Variants in DYRK2 observed in about 807,000 individuals in gnomAD.
DYRK2 encodes the protein dual specificity tyrosine-phosphorylation-regulated kinase 2.
A neutral mutation model predicts 41.6 loss-of-function variants in DYRK2; 12 were observed. The observed-to-expected ratio is 0.29, with a 90% CI of 0.18 to 0.47. The LOEUF (loss-of-function observed/expected upper bound fraction) is 0.47. Among genes scored for constraint, DYRK2 ranks in the 20% least tolerant of loss-of-function variants. The pLI is 1.00. For missense variants in DYRK2, 678 were observed against 798.4 expected, an observed-to-expected ratio of 0.85 and a Z score of 1.82; for synonymous variants, 322 against 315.7, an observed-to-expected ratio of 1.02 and a Z score of -0.21.
At position 67,663,320 on chromosome 12, in the gene DYRK2, A is replaced by G. The variant is rs1440325034; in HGVS notation, c.*4607A>G. 1 of 152,120 alleles carries G rather than the reference A, an allele frequency of 6.6e-6. No individual in the cohort carries two copies. Among genetic ancestry groups the G allele is most frequent in the African/African-American group, 2.4e-5 (1 of 41,444 alleles). The allele number at this position is 152,120 out of a possible 1,614,324, so 9.4% of individuals were successfully genotyped here. On this transcript the variant is annotated 3_prime_UTR_variant, in exon 3 of 3. Transcript: ENST00000344096. ...TTTACTTACAGATGACAGCAAGCAG[A>G]TGCTCTAGTAATTCGTCAGACATTG... is the stretch of plus-strand genomic sequence containing the variant.
rs898315063 is a variant in DYRK2 at position 67,660,633 on chromosome 12, TAGTA to T, written c.*1924_*1927del. On this transcript the variant is annotated 3_prime_UTR_variant, in exon 3 of 3. Coordinates refer to ENST00000344096, the MANE Select transcript of DYRK2 (RefSeq NM_006482.3). ...AATCTGTGGAAGTGCAATAATATGT[TAGTA>T]AGTTACATTTTAAATAATGCTCATG... is the stretch of plus-strand genomic sequence containing the variant. 2 of 166,912 alleles carry T rather than the reference TAGTA, an allele frequency of 1.2e-5. No homozygotes were observed. 10.3% of individuals were successfully genotyped at this position (166,912 alleles called of 1,614,324 possible).
At position 67,649,961 on chromosome 12, in the gene DYRK2, C is replaced by T. The variant is rs1183207951; in HGVS notation, c.198+16C>T. 7.5e-7 allele frequency: 1 copy of T among 1,327,440 alleles called. No individual in the cohort carries two copies. Among genetic ancestry groups the T allele is most frequent in the Non-Finnish European group, 9.6e-7 (1 of 1,042,890 alleles). 82.2% of individuals were successfully genotyped at this position (1,327,440 alleles called of 1,614,324 possible). ...AGCCCACACGGTGAGACCCAGCCCG[C>T]GGGCGGCCCGGGCGGTGGGGGCGGG... On this transcript the variant is annotated intron_variant, in intron 2 of 2. Coordinates refer to ENST00000344096, the MANE Select transcript of DYRK2 (RefSeq NM_006482.3).
chr12:67,658,797 TTTTA>T lies in DYRK2; in HGVS notation c.*88_*91del. On this transcript the variant is annotated 3_prime_UTR_variant, in exon 3 of 3. Transcript: ENST00000344096. This position sits in a 1 kb window ranked among gnomAD's most constrained non-coding sequence, Gnocchi z 4.3. ...TTGAAAAGGAGTAGCTCAGACCTGT[TTTTA>T]TTTGCTCAATAACTCTACTCATTTG... 1 of 1,392,456 alleles carries T rather than the reference TTTTA, an allele frequency of 7.2e-7. No individual in the cohort carries two copies. The highest frequency in any genetic ancestry group is 9.7e-7 in the Non-Finnish European group (1 of 1,035,186). 86.3% of individuals were successfully genotyped at this position (1,392,456 alleles called of 1,614,324 possible).
Position 67,659,186 on chromosome 12 carries a change from G to C in DYRK2, c.*473G>C, listed in dbSNP as rs1209859020. ...TTTTTCATAAATTAATCTGGGTGTTGGGGGTAGTGGGAGGAGAACGGTCAG... is the reference window on the plus strand; with the variant it reads ...TTTTTCATAAATTAATCTGGGTGTTCGGGGTAGTGGGAGGAGAACGGTCAG... On this transcript the variant is annotated 3_prime_UTR_variant, in exon 3 of 3. Coordinates refer to ENST00000344096, the MANE Select transcript of DYRK2 (RefSeq NM_006482.3). 1 of 167,406 alleles carries C rather than the reference G, an allele frequency of 6.0e-6. No homozygotes were observed. Among genetic ancestry groups the C allele is most frequent in the Non-Finnish European group, 1.5e-5 (1 of 68,402 alleles). The allele number at this position is 167,406 out of a possible 1,614,324, so 10.4% of individuals were successfully genotyped here.
rs1168078625 is a variant in DYRK2 at position 67,649,195 on chromosome 12, TGCCGCCGC to T, written c.49+19_49+26del. The T allele has an allele frequency of 2.1e-5, 32 of 1,493,000 alleles. No homozygotes were observed. Among genetic ancestry groups the T allele is most frequent in the Non-Finnish European group, 2.5e-5 (28 of 1,115,304 alleles). 92.5% of individuals were successfully genotyped at this position (1,493,000 alleles called of 1,614,324 possible). A position where few individuals can be genotyped will look rare whatever the true frequency, so the allele number is the denominator to read the frequency against. ...GCCTACCCGACCGGTAAGGAGGCCGTGCCGCCGCGCCGCATCCCCGGACCCCCGCCGGC... is the reference window on the plus strand; with the variant it reads ...GCCTACCCGACCGGTAAGGAGGCCGTGCCGCATCCCCGGACCCCCGCCGGC... On this transcript the variant is annotated intron_variant, in intron 1 of 2. Transcript: ENST00000344096.
intron 2 of DYRK2, among the ~76,000 whole-genome samples, chr12:67,653,328 C>T (rs1872376658): frequency 6.6e-6 from 1 of 152,174 alleles, no homozygotes; most frequent in East Asian, 1.9e-4. Flanking sequence ...TGCTCTCTGC[C>T]CCATTTTTTA....
Position 67,661,202 on chromosome 12 carries a change from T to A in DYRK2, c.*2489T>A, listed in dbSNP as rs1020214521. ...TGCTTTAATAAAATTCTAGTTTGAT[T>A]GTCATGTCAAAAAAAGAAAAATGTT... On this transcript the variant is annotated 3_prime_UTR_variant, in exon 3 of 3. Transcript: ENST00000344096. 6.0e-6 allele frequency: 1 copy of A among 166,784 alleles called. No individual in the cohort carries two copies. The highest frequency in any genetic ancestry group is 2.4e-5 in the African/African-American group (1 of 41,424). The allele number at this position is 166,784 out of a possible 1,614,324, so 10.3% of individuals were successfully genotyped here.
intron 2 of DYRK2, among the ~76,000 whole-genome samples, chr12:67,656,843 A>G (rs2120832010): frequency 6.6e-6 from 1 of 152,240 alleles, no homozygotes; most frequent in South Asian, 2.1e-4. Context: ...CAGGCCCTAT[A>G]CTAAGTGTTA....
rs1049551167 is a variant in DYRK2, at chr12:67,662,840, A to G, written c.*4127A>G. 6.6e-5 allele frequency: 10 copies of G among 152,378 alleles called. No homozygotes were observed. The highest frequency in any genetic ancestry group is 2.1e-4 in the South Asian group (1 of 4,828). 9.4% of individuals were successfully genotyped at this position (152,378 alleles called of 1,614,324 possible). On this transcript the variant is annotated 3_prime_UTR_variant, in exon 3 of 3. Coordinates refer to ENST00000344096, the MANE Select transcript of DYRK2 (RefSeq NM_006482.3). ...CATAGCAATACTTTATTAGTTCAAT[A>G]TAAGTATGCAGATTCCAAGTGGAAA...
At position 67,659,146 on chromosome 12, in the gene DYRK2, C is replaced by G. The variant is rs1411298651; in HGVS notation, c.*433C>G. 5.9e-6 allele frequency: 1 copy of G among 168,100 alleles called. No homozygotes were observed. The highest frequency in any genetic ancestry group is 6.5e-5 in the Admixed American group (1 of 15,318). The allele number at this position is 168,100 out of a possible 1,614,324, so 10.4% of individuals were successfully genotyped here. On this transcript the variant is annotated 3_prime_UTR_variant, in exon 3 of 3. Coordinates refer to ENST00000344096, the MANE Select transcript of DYRK2 (RefSeq NM_006482.3). ...GCTCCAGGTCCATGCACAGGTGTAG[C>G]ATGTCCTGCTTCCGTTTTTCATAAA...
At position 67,659,579 on chromosome 12, in the gene DYRK2, C is replaced by T. The variant is rs1872571638; in HGVS notation, c.*866C>T. 6.0e-6 allele frequency: 1 copy of T among 166,828 alleles called. No homozygotes were observed. Among genetic ancestry groups the T allele is most frequent in the Admixed American group, 6.5e-5 (1 of 15,278 alleles). The allele number at this position is 166,828 out of a possible 1,614,324, so 10.3% of individuals were successfully genotyped here. A position where few individuals can be genotyped will look rare whatever the true frequency, so the allele number is the denominator to read the frequency against. The stretch of plus-strand genomic sequence containing the variant: ...TTGTCTTCTTCCTTCAGCTGTGTAT[C>T]CCAGACTGTTAATACAGAAAAGAGA... On this transcript the variant is annotated 3_prime_UTR_variant, in exon 3 of 3. Coordinates refer to ENST00000344096, the MANE Select transcript of DYRK2 (RefSeq NM_006482.3).
rs1189913863 is a variant in DYRK2, at chr12:67,659,757, C to T, written c.*1044C>T. The stretch of plus-strand genomic sequence containing the variant: ...TTCAGGTGCCACTGTAAGGTTCTCT[C>T]AGCCTGGGAAACTATCAACTCTTTC... On this transcript the variant is annotated 3_prime_UTR_variant, in exon 3 of 3. Transcript: ENST00000344096. 1 of 167,048 alleles carries T rather than the reference C, an allele frequency of 6.0e-6. No homozygotes were observed. The highest frequency in any genetic ancestry group is 2.4e-5 in the African/African-American group (1 of 41,448). The allele number at this position is 167,048 out of a possible 1,614,324, so 10.3% of individuals were successfully genotyped here.
chr12:67,649,514 T>TGGCCGTCTGCAACGTG (rs1872242611), intron 1 of DYRK2, among the ~76,000 whole-genome samples: 1 of 151,766 alleles, frequency 6.6e-6, no homozygotes, highest in Admixed American at 6.6e-5. Context: ...TCCCGGCTGC[T>TGGCCGTCTGCAACGTG]GGCCGTCTGC....
Position 67,658,385 on chromosome 12 carries a change from G to A in DYRK2, c.1478G>A (p.Ser493Asn), listed in dbSNP as rs1406629248. Residue 493 changes from serine to asparagine, a missense_variant, in exon 3 of 3, where the codon AGC becomes AAC. Ser to Asn is a conservative substitution (Grantham distance 46, BLOSUM62 1). Coordinates refer to ENST00000344096, the MANE Select transcript of DYRK2 (RefSeq NM_006482.3). This position sits in a 1 kb window ranked among gnomAD's most constrained non-coding sequence, Gnocchi z 4.3. ...GGGAAACTGAGGGGCCCACCGGAGAGCAGAGAGTGGGGGAACGCGCTGAAG... is the reference window on the plus strand; with the variant it reads ...GGGAAACTGAGGGGCCCACCGGAGAACAGAGAGTGGGGGAACGCGCTGAAG... The part of the protein sequence containing the change: ...RRGKLRGPPE[S>N]REWGNALKGC... The A allele has an allele frequency of 6.2e-7, 1 of 1,606,500 alleles. No homozygotes were observed. Among genetic ancestry groups the A allele is most frequent in the South Asian group, 1.1e-5 (1 of 90,188 alleles).
intron 2 of DYRK2, 38 bp downstream of exon 2, chr12:67,649,983 CG>C: frequency 1.5e-6 from 2 of 1,312,606 alleles, no homozygotes; most frequent in South Asian, 2.2e-5. Context: ...GCGGTGGGGG[CG>C]GGAGGGGCCC....
chr12:67,661,349 G>C lies in DYRK2; in HGVS notation c.*2636G>C, dbSNP rs1480547483. On this transcript the variant is annotated 3_prime_UTR_variant, in exon 3 of 3. Transcript: ENST00000344096. Reference sequence around the variant, plus strand: ...TTTGGGGATGTCTGAGCTGTTTTCAGATCTAGGAATAGCACAGTGTTGTCT... The same window carrying C: ...TTTGGGGATGTCTGAGCTGTTTTCACATCTAGGAATAGCACAGTGTTGTCT... The C allele has an allele frequency of 6.0e-6, 1 of 167,094 alleles. No homozygotes were observed. Among genetic ancestry groups the C allele is most frequent in the African/African-American group, 2.4e-5 (1 of 41,454 alleles). The allele number at this position is 167,094 out of a possible 1,614,324, so 10.4% of individuals were successfully genotyped here.
chr12:67,658,024 T>A lies in DYRK2; in HGVS notation c.1117T>A (p.Cys373Ser). ...TAAAGTAATTGATTTTGGCTCCAGT[T>A]GTTACGAGCATCAGCGTGTCTACAC... Reference protein sequence around the residue: ...GIKVIDFGSSCYEHQRVYTYI... With the variant: ...GIKVIDFGSSSYEHQRVYTYI... Residue 373 changes from cysteine to serine, a missense_variant, in exon 3 of 3, where the codon TGT becomes AGT. Physicochemically the swap from Cys to Ser is moderately radical, Grantham distance 112. This residue lies in a region of DYRK2 where 393 missense variants were observed against 519.1 expected (regional missense o/e 0.76). Transcript: ENST00000344096. This position sits in a 1 kb window ranked among gnomAD's most constrained non-coding sequence, Gnocchi z 4.3. 6.2e-7 allele frequency: 1 copy of A among 1,614,216 alleles called. No individual in the cohort carries two copies. The highest frequency in any genetic ancestry group is 8.5e-7 in the Non-Finnish European group (1 of 1,180,034).
At chr12:67,656,299 A>G (rs999377505) in intron 2 of DYRK2, among the ~76,000 whole-genome samples, 1 of 152,160 alleles carries the variant, frequency 6.6e-6, no homozygotes, top group Non-Finnish European at 1.5e-5. Flanking sequence ...TTGGATTCCT[A>G]TTTGGAAATC....
In DYRK2 at chr12:67,657,744, T is replaced by C. The variant is rs1565804593; in HGVS notation, c.837T>C (p.Asp279=). The part of the protein sequence containing the change: ...ILEHLRKQDK[D]NTMNVIHMLE... ...AACACCTGCGGAAGCAGGACAAGGATAACACAATGAATGTCATCCATATGC... is the reference window on the plus strand; with the variant it reads ...AACACCTGCGGAAGCAGGACAAGGACAACACAATGAATGTCATCCATATGC... The change falls in exon 3 of 3, where the codon GAT becomes GAC. Residue 279 remains aspartate (D), a synonymous_variant. Coordinates refer to ENST00000344096, the MANE Select transcript of DYRK2 (RefSeq NM_006482.3). The surrounding 1 kb of genome is among the most constrained non-coding windows in gnomAD (Gnocchi z 4.8). 1 of 1,614,212 alleles carries C rather than the reference T, an allele frequency of 6.2e-7. No homozygotes were observed. The highest frequency in any genetic ancestry group is 8.5e-7 in the Non-Finnish European group (1 of 1,180,042).
Sources: allele counts gnomAD v4.1 joint callset (sites outside exome capture counted in the v4.1 genomes callset), GRCh38; gene constraint gnomAD v4.1.1; regional missense constraint gnomAD v4.1.1; non-coding constraint Gnocchi (gnomAD v3.1); transcripts MANE v1.5; gene names NCBI Gene and HGNC (gene_info 2026-07-23, HGNC 2026-07-21).